CSGALNACT1: variants seen among roughly 807,000 people sequenced by gnomAD.
CSGALNACT1 encodes the protein chondroitin sulfate N-acetylgalactosaminyltransferase 1.
CSGALNACT1 carries 52 observed loss-of-function variants against 51.0 expected under a neutral mutation model. The ratio of observed to expected loss-of-function variants is 1.02; its 90% CI spans 0.82 to 1.29. The LOEUF is 1.29. CSGALNACT1 is among the 50% of genes most tolerant of loss of function. The pLI is 0.00. For synonymous variants in CSGALNACT1, 341 were observed against 254.4 expected, an observed-to-expected ratio of 1.34 and a Z score of -3.24; for missense variants, 935 against 679.2, an observed-to-expected ratio of 1.38 and a Z score of -4.19.
chr8:19,701,684 T>A (rs918067426), intron 1 of CSGALNACT1, among the ~76,000 whole-genome samples: 2 of 152,172 alleles, frequency 1.3e-5, no homozygotes, highest in East Asian at 3.9e-4. Context: ...ATCACAAGGA[T>A]AATGATGATG....
chr8:19,622,494 A>G (rs2053943230), intron 1 of CSGALNACT1, among the ~76,000 whole-genome samples: 1 of 152,248 alleles, frequency 6.6e-6, no homozygotes, highest in Non-Finnish European at 1.5e-5. Flanking sequence ...TTTCAAAACA[A>G]GGATTAAATA....
intron 4 of CSGALNACT1, among the ~76,000 whole-genome samples, chr8:19,486,098 T>C (rs971947400): frequency 1.3e-5 from 2 of 151,270 alleles, no homozygotes; most frequent in Non-Finnish European, 2.9e-5. Flanking sequence ...AATATGTAAA[T>C]ACTAAACCTC....
chr8:19,512,427 ATGTT>A (rs1430581283), intron 3 of CSGALNACT1, among the ~76,000 whole-genome samples: 2 of 152,196 alleles, frequency 1.3e-5, no homozygotes, highest in Admixed American at 1.3e-4. Context: ...GAGATAATAA[ATGTT>A]TGTTACTTTA....
At chr8:19,541,494 C>T (rs897038112) in intron 3 of CSGALNACT1, among the ~76,000 whole-genome samples, 7 of 150,438 alleles carry the variant, frequency 4.7e-5, no homozygotes, top group Middle Eastern at 3.2e-3. Context: ...CCTCATGATC[C>T]GCCTGCCTCA....
rs563775813 is a variant in CSGALNACT1 at position 19,523,067 on chromosome 8, G to C, written c.-296-16937C>G. Among the ~76,000 whole-genome samples, 190 of 152,198 alleles carry C rather than the reference G, an allele frequency of 1.2e-3. 1 individual carries two copies. Among genetic ancestry groups the C allele is most frequent in the Non-Finnish European group, 1.6e-3 (109 of 68,016 alleles). ...ACTCGTGTGAAGCTGCAACAATTGC[G>C]GACATTACCACCACTGCATTGCAAA... On this transcript the variant is annotated intron_variant, in intron 3 of 9. Coordinates refer to ENST00000454498, the Ensembl canonical transcript of CSGALNACT1.
intron 5 of CSGALNACT1, among the ~76,000 whole-genome samples, chr8:19,445,452 A>G (rs1229825916): frequency 1.3e-5 from 2 of 152,204 alleles, no homozygotes; most frequent in South Asian, 2.1e-4. Context: ...TTTTTAAGCA[A>G]TAAGACAGAT....
intron 3 of CSGALNACT1, among the ~76,000 whole-genome samples, chr8:19,580,081 T>G (rs1476403829): frequency 6.6e-6 from 1 of 152,210 alleles, no homozygotes; most frequent in Non-Finnish European, 1.5e-5. Context: ...TTCAGAGCAT[T>G]CACTAATTCC....
intron 4 of CSGALNACT1, among the ~76,000 whole-genome samples, chr8:19,504,069 G>A (rs1043415983): frequency 1.3e-5 from 2 of 152,064 alleles, no homozygotes; most frequent in African/African-American, 4.8e-5. Context: ...TATATTTCTG[G>A]GCAAGATGAA....
At chr8:19,511,659 C>T (rs1228641601) in intron 3 of CSGALNACT1, among the ~76,000 whole-genome samples, 1 of 152,178 alleles carries the variant, frequency 6.6e-6, no homozygotes, top group Non-Finnish European at 1.5e-5. Context: ...ATTCATACCA[C>T]TGTGTGTCTG....
intron 1 of CSGALNACT1, among the ~76,000 whole-genome samples, chr8:19,643,365 A>C (rs1388699140): frequency 2.0e-5 from 3 of 152,210 alleles, no homozygotes; most frequent in Non-Finnish European, 4.4e-5. Context: ...CACCAGGCAC[A>C]GTGGCTCATG....
chr8:19,410,049 A>G (rs4256608), intron 8 of CSGALNACT1, among the ~76,000 whole-genome samples: 65,006 of 151,950 alleles, frequency 0.43, 14,863 homozygotes, highest in East Asian at 0.83. Flanking sequence ...ACTCTGTAAC[A>G]TATGAAACTG....
rs558087598 is a variant in CSGALNACT1 at position 19,698,249 on chromosome 8, T to A, written c.-297+59601A>T. Among the ~76,000 whole-genome samples the A allele has an allele frequency of 3.3e-5, 5 of 152,342 alleles. No homozygotes were observed. The South Asian group carries it at 1.0e-3, about 32-fold the overall frequency. ...AAAGCTGGATTTCAGTTCCTTGCCT[T>A]CTGGCCCCAGAACCAACGCTCTTTC... On this transcript the variant is annotated intron_variant, in intron 1 of 1. Transcript: ENST00000517494.
At chr8:19,583,072 A>T (rs1010410487) in intron 3 of CSGALNACT1, among the ~76,000 whole-genome samples, 8 of 152,202 alleles carry the variant, frequency 5.3e-5, no homozygotes, top group African/African-American at 1.9e-4. Context: ...TTTACACTTT[A>T]AACACATGCA....
intron 1 of CSGALNACT1, among the ~76,000 whole-genome samples, chr8:19,637,366 CTTTTT>C (rs1162464135): frequency 6.6e-6 from 1 of 152,168 alleles, no homozygotes; most frequent in Admixed American, 6.5e-5. Context: ...AGCAATCATT[CTTTTT>C]TATTTACCAT....
chr8:19,580,306 TA>T (rs2045282273), intron 3 of CSGALNACT1, among the ~76,000 whole-genome samples: 1 of 152,120 alleles, frequency 6.6e-6, no homozygotes. Context: ...GAGGAGAAAA[TA>T]AACAGAAAGC....
intron 3 of CSGALNACT1, among the ~76,000 whole-genome samples, chr8:19,510,415 C>T (rs1037855526): frequency 2.0e-5 from 3 of 152,104 alleles, no homozygotes; most frequent in South Asian, 2.1e-4. Context: ...AAACAATAGA[C>T]GACAGTCTCA....
intron 1 of CSGALNACT1, among the ~76,000 whole-genome samples, chr8:19,633,816 G>T (rs1455911437): frequency 2.6e-5 from 4 of 152,204 alleles, no homozygotes; most frequent in African/African-American, 9.7e-5. Flanking sequence ...CTTGGTTCTT[G>T]AGTCAAACAG....
chr8:19,570,481 G>A (rs1010825648), intron 3 of CSGALNACT1, among the ~76,000 whole-genome samples: 3 of 151,990 alleles, frequency 2.0e-5, no homozygotes, highest in African/African-American at 7.3e-5. Flanking sequence ...AACCTAATCC[G>A]GACACAAACA....
At chr8:19,697,658 A>G (rs973595488) in intron 1 of CSGALNACT1, among the ~76,000 whole-genome samples, 2 of 152,190 alleles carry the variant, frequency 1.3e-5, no homozygotes, top group African/African-American at 4.8e-5. Context: ...GCTCCATGCT[A>G]TGGGTCCAGC....
Sources: allele counts gnomAD v4.1 joint callset (sites outside exome capture counted in the v4.1 genomes callset), GRCh38; gene constraint gnomAD v4.1.1; transcripts MANE v1.5; gene names NCBI Gene and HGNC (gene_info 2026-07-23, HGNC 2026-07-21).